The following ASXL2 variants were observed in gnomAD, a reference collection of about 807,000 sequenced individuals.
The protein encoded by ASXL2 is ASXL transcriptional regulator 2, also known as putative Polycomb group protein ASXL2.
In ASXL2, 23 loss-of-function variants were observed where a neutral mutation model predicts 122.0. The observed-to-expected ratio is 0.19, with a 90% CI of 0.14 to 0.27. The LOEUF (loss-of-function observed/expected upper bound fraction) is 0.27. ASXL2 is among the 10% of genes least tolerant of loss of function. ASXL2 has a pLI of 1.00. For synonymous variants in ASXL2, 650 were observed against 637.0 expected (o/e 1.02, Z -0.31); for missense variants, 1,518 against 1,713.8 (o/e 0.89, Z 2.02).
At chr2:25,843,858 A>C (rs546605696) in intron 2 of ASXL2, among the ~76,000 whole-genome samples, 1 of 151,932 alleles carries the variant, frequency 6.6e-6, no homozygotes, top group Admixed American at 6.5e-5. Context: ...AGAAAAAATG[A>C]GAAATAAAAT....
At chr2:25,756,867 G>A (rs1219520532) in intron 9 of ASXL2, among the ~76,000 whole-genome samples, 1 of 152,196 alleles carries the variant, frequency 6.6e-6, no homozygotes, top group Non-Finnish European at 1.5e-5. Flanking sequence ...GCTGACTGCT[G>A]ATTCATACTC....
intron 1 of ASXL2, among the ~76,000 whole-genome samples, chr2:25,873,856 G>A (rs1426737152): frequency 4.6e-5 from 7 of 151,596 alleles, no homozygotes; most frequent in African/African-American, 1.2e-4. Flanking sequence ...ACACACACTT[G>A]TCCTTTTGGG....
At chr2:25,751,866 C>T (rs2088053056) in intron 11 of ASXL2, among the ~76,000 whole-genome samples, 2 of 152,030 alleles carry the variant, frequency 1.3e-5, no homozygotes, top group African/African-American at 2.4e-5. Flanking sequence ...CTGCAACCTC[C>T]GCCTCCCAGG....
In ASXL2 at chr2:25,742,437, G is replaced by A. The variant is rs776010496; in HGVS notation, c.3900C>T (p.Ser1300=). The change falls in exon 13 of 13, where the codon AGC becomes AGT. Residue 1300 remains serine, a synonymous_variant. Transcript: ENST00000435504. ...GAAGGAGTAGGGGCTGGTGGGTGGG[G>A]CTGTCTGCAGGCAGAGGAAGAACAG... ...SSTVLPLPAD[S]PTHQPLLLPP... is the part of the protein sequence containing the mutation. 4 of 543,670 alleles carry A rather than the reference G, an allele frequency of 7.4e-6. No individual in the cohort carries two copies. In the Admixed American group the frequency reaches 8.0e-5, roughly 11 times the overall value. 33.7% of individuals were successfully genotyped at this position (543,670 alleles called of 1,614,324 possible). A position where few individuals can be genotyped will look rare whatever the true frequency, so the allele number is the denominator to read the frequency against.
chr2:25,757,618 TGAGCCGAGATC>T lies in ASXL2; in HGVS notation c.940-1515_940-1505del, dbSNP rs150313490. Among the ~76,000 whole-genome samples the T allele has an allele frequency of 5.2e-4, 65 of 125,256 alleles. No homozygotes were observed. The East Asian group carries it at 0.014, about 27-fold the overall frequency. The allele number at this position is 125,256 out of a possible 152,430, so 82.2% of individuals were successfully genotyped here. A position where few individuals can be genotyped will look rare whatever the true frequency, so the allele number is the denominator to read the frequency against. On this transcript the variant is annotated intron_variant, in intron 9 of 12. Transcript: ENST00000435504. ...TGAACCCAGGAGGCGGAGGTTGCAGTGAGCCGAGATCGAGCCAATGCACTCCAGCTCAGGCG... is the reference window on the plus strand; with the variant it reads ...TGAACCCAGGAGGCGGAGGTTGCAGTGAGCCAATGCACTCCAGCTCAGGCG...
chr2:25,805,662 TTTTTA>T (rs575061422), intron 4 of ASXL2, among the ~76,000 whole-genome samples: 6,679 of 152,006 alleles, frequency 0.044, 222 homozygotes, highest in African/African-American at 0.085. Flanking sequence ...TTTTATTTAT[TTTTTA>T]TTTTATTTTA....
chr2:25,757,775 TG>T (rs2088163244), intron 9 of ASXL2, among the ~76,000 whole-genome samples: 1 of 151,222 alleles, frequency 6.6e-6, no homozygotes, highest in South Asian at 2.1e-4. Flanking sequence ...ATTCTAAAAT[TG>T]TATGTGGCAA....
chr2:25,770,235 G>T (rs2149154444), intron 6 of ASXL2, among the ~76,000 whole-genome samples: 1 of 152,008 alleles, frequency 6.6e-6, no homozygotes, highest in Middle Eastern at 3.4e-3. Context: ...TTCAGACGGG[G>T]TCTTGCTCTG....
At chr2:25,791,812 T>G (rs2088838779) in intron 5 of ASXL2, among the ~76,000 whole-genome samples, 1 of 152,214 alleles carries the variant, frequency 6.6e-6, no homozygotes, top group African/African-American at 2.4e-5. Flanking sequence ...CATAACATGA[T>G]AAATATAAAC....
chr2:25,819,653 AT>A, intron 3 of ASXL2, among the ~76,000 whole-genome samples: 1 of 152,346 alleles, frequency 6.6e-6, no homozygotes, highest in East Asian at 1.9e-4. Flanking sequence ...ACTAAAAAAA[AT>A]GTCTAGTCAT....
At chr2:25,863,804 G>A (rs530023593) in intron 1 of ASXL2, among the ~76,000 whole-genome samples, 7 of 151,816 alleles carry the variant, frequency 4.6e-5, no homozygotes, top group South Asian at 2.1e-4. Context: ...TCGGGAGTTC[G>A]AGACCAGCCT....
intron 5 of ASXL2, among the ~76,000 whole-genome samples, chr2:25,782,436 C>T (rs1329191080): frequency 6.6e-6 from 1 of 152,018 alleles, no homozygotes; most frequent in Non-Finnish European, 1.5e-5. Context: ...ATCCCAACTA[C>T]TCAGGAAGCT....
At chr2:25,841,233 CTGCATTAAGCTGAGAT>C (rs1031372674) in intron 2 of ASXL2, among the ~76,000 whole-genome samples, 2 of 152,118 alleles carry the variant, frequency 1.3e-5, no homozygotes, top group African/African-American at 4.8e-5. Context: ...AAGGACAAGG[CTGCATTAAGCTGAGAT>C]TGCACCACTG....
Position 25,750,223 on chromosome 2 carries a change from C to T in ASXL2, c.1333G>A (p.Glu445Lys). The T allele has an allele frequency of 4.3e-6, 7 of 1,614,028 alleles. No individual in the cohort carries two copies. Among genetic ancestry groups the T allele is most frequent in the East Asian group, 2.2e-5 (1 of 44,890 alleles). The change falls in exon 12 of 13, where the codon GAA becomes AAA. Residue 445 changes from glutamate (E) to lysine (K), a missense_variant. This residue lies in a region of ASXL2 where 292 missense variants were observed against 293.5 expected (regional missense o/e 1.00). Coordinates refer to ENST00000435504, the MANE Select transcript of ASXL2 (RefSeq NM_018263.6). The part of the protein sequence containing the change: ...ALQMSSPGRK[E>K]ECESQGEVQP... Reference sequence around the variant, plus strand: ...ACTTCACCTTGGCTTTCACACTCTTCTTTTCTGCCTGGTGATGACATTTGC... The same window carrying T: ...ACTTCACCTTGGCTTTCACACTCTTTTTTTCTGCCTGGTGATGACATTTGC...
chr2:25,804,248 G>T (rs2089045986), intron 4 of ASXL2, among the ~76,000 whole-genome samples: 1 of 152,182 alleles, frequency 6.6e-6, no homozygotes, highest in African/African-American at 2.4e-5. Flanking sequence ...ACACATATAT[G>T]CATGGACACA....
intron 3 of ASXL2, among the ~76,000 whole-genome samples, chr2:25,834,626 C>T (rs189689865): frequency 6.6e-6 from 1 of 152,102 alleles, no homozygotes; most frequent in African/African-American, 2.4e-5. Context: ...AATACATGGG[C>T]ATGACTGTTG....
chr2:25,788,541 C>T (rs528714392), intron 5 of ASXL2, among the ~76,000 whole-genome samples: 20 of 152,190 alleles, frequency 1.3e-4, no homozygotes, highest in Admixed American at 3.3e-4. Context: ...ACTAGTTGTA[C>T]TAGTTTAAAT....
chr2:25,753,683 T>C, intron 10 of ASXL2, 44 bp from the exon 11 acceptor site: 1 of 1,378,444 alleles, frequency 7.3e-7, no homozygotes, highest in Non-Finnish European at 1.0e-6. Context: ...AAAATGCTAT[T>C]TGCAACATGT....
chr2:25,771,258 G>A (rs1041172777), intron 6 of ASXL2, among the ~76,000 whole-genome samples, 182 bp downstream of exon 6: 1 of 152,150 alleles, frequency 6.6e-6, no homozygotes, highest in Admixed American at 6.6e-5. Flanking sequence ...TACCAAAAAC[G>A]TATGTAACAT....
Sources: allele counts gnomAD v4.1 joint callset (sites outside exome capture counted in the v4.1 genomes callset), GRCh38; gene constraint gnomAD v4.1.1; regional missense constraint gnomAD v4.1.1; transcripts MANE v1.5; gene names NCBI Gene and HGNC (gene_info 2026-07-23, HGNC 2026-07-21).